CLDN10: variants seen among roughly 807,000 people sequenced by gnomAD.
CLDN10 encodes claudin 10, also known as claudin-10.
In CLDN10, 15 loss-of-function variants were observed where a neutral mutation model predicts 22.9. That is an observed-to-expected ratio of 0.65 (90% CI 0.44 to 1.01). CLDN10 has a LOEUF of 1.01. Ranked by LOEUF, CLDN10 falls within the 50% of genes least tolerant of loss-of-function variation. The pLI is 0.00. For synonymous variants in CLDN10, 114 were observed against 111.4 expected, an observed-to-expected ratio of 1.02 and a Z score of -0.15; for missense variants, 247 against 287.8, an observed-to-expected ratio of 0.86 and a Z score of 1.03.
intron 1 of CLDN10, among the ~76,000 whole-genome samples, chr13:95,488,021 T>C (rs1038063354): frequency 7.3e-5 from 11 of 151,584 alleles, no homozygotes; most frequent in African/African-American, 2.7e-4. Context: ...AGTCTCGCTC[T>C]GTCACCCAGG....
At chr13:95,499,357 C>T (rs2042960435) in intron 1 of CLDN10, among the ~76,000 whole-genome samples, 1 of 152,148 alleles carries the variant, frequency 6.6e-6, no homozygotes, top group Non-Finnish European at 1.5e-5. Flanking sequence ...CCCTAGCCAA[C>T]ATGGTGAAAC....
intron 1 of CLDN10, among the ~76,000 whole-genome samples, chr13:95,509,445 C>T (rs2043072837): frequency 6.6e-6 from 1 of 152,122 alleles, no homozygotes; most frequent in Admixed American, 6.6e-5. Flanking sequence ...ATAATGAGAT[C>T]ACCCCTGAAA....
chr13:95,453,680 C>T (rs1372924893), intron 1 of CLDN10, among the ~76,000 whole-genome samples: 1 of 145,334 alleles, frequency 6.9e-6, no homozygotes, highest in Non-Finnish European at 1.5e-5. Context: ...TGAGATCCAT[C>T]TCAAAAAGAA....
At chr13:95,563,512 G>T (rs1471590424) in intron 3 of CLDN10, among the ~76,000 whole-genome samples, 1 of 152,058 alleles carries the variant, frequency 6.6e-6, no homozygotes, top group Non-Finnish European at 1.5e-5. Context: ...TTGCATCAAG[G>T]TCTATAGAAA....
chr13:95,562,579 A>G lies in CLDN10; in HGVS notation c.464+2116A>G, dbSNP rs145902959. 3.5e-4 allele frequency among the ~76,000 whole-genome samples: 54 copies of G among 152,346 alleles called. No individual in the cohort carries two copies. The East Asian group carries it at 8.9e-3, about 25-fold the overall frequency. On this transcript the variant is annotated intron_variant, in intron 3 of 4. Coordinates refer to ENST00000299339, the MANE Select transcript of CLDN10 (RefSeq NM_006984.5). ...TGTACATGGCAGGAAACATTGAAAT[A>G]AAAACCAAGGCTGTATTTCTGAAGC...
At position 95,577,986 on chromosome 13, in the gene CLDN10, A is replaced by G; in HGVS notation, c.659A>G (p.Lys220Arg). The G allele has an allele frequency of 1.1e-5, 17 of 1,612,684 alleles. No individual in the cohort carries two copies. Among genetic ancestry groups the G allele is most frequent in the Non-Finnish European group, 1.4e-5 (17 of 1,178,850 alleles). ...GEDFKTTNPS[K>R]QFDKNAYV ...GATTTTAAAACAACAAACCCTTCAAAACAGTTTGATAAAAATGCTTATGTC... is the reference window on the plus strand; with the variant it reads ...GATTTTAAAACAACAAACCCTTCAAGACAGTTTGATAAAAATGCTTATGTC... The change falls in exon 5 of 5, where the codon AAA (lysine) becomes AGA (arginine). Residue 220 changes from lysine to arginine, a missense_variant. Lys to Arg is a conservative substitution (Grantham distance 26). Coordinates refer to ENST00000299339, the MANE Select transcript of CLDN10 (RefSeq NM_006984.5).
At chr13:95,474,993 A>G (rs1387152518) in intron 1 of CLDN10, among the ~76,000 whole-genome samples, 2 of 152,038 alleles carry the variant, frequency 1.3e-5, no homozygotes, top group Non-Finnish European at 2.9e-5. Context: ...GGTGGAGAGG[A>G]GGGTTCAAAA....
intron 1 of CLDN10, among the ~76,000 whole-genome samples, chr13:95,553,552 A>C (rs2043595100): frequency 6.6e-6 from 1 of 152,184 alleles, no homozygotes; most frequent in African/African-American, 2.4e-5. Context: ...CCCTTTAAAG[A>C]GCTTCTACAA....
intron 1 of CLDN10, among the ~76,000 whole-genome samples, chr13:95,437,756 C>T (rs895521772): frequency 2.0e-5 from 3 of 152,176 alleles, no homozygotes; most frequent in African/African-American, 7.2e-5. Flanking sequence ...TGAGCGCAGG[C>T]AACCCAAAGG....
chr13:95,513,433 G>A (rs1030709700), intron 1 of CLDN10, among the ~76,000 whole-genome samples: 1 of 152,020 alleles, frequency 6.6e-6, no homozygotes, highest in Non-Finnish European at 1.5e-5. Flanking sequence ...CTCACTAGAG[G>A]GGTTTAAACT....
chr13:95,505,455 T>G (rs753114697), intron 1 of CLDN10, among the ~76,000 whole-genome samples: 2 of 152,258 alleles, frequency 1.3e-5, no homozygotes, highest in Non-Finnish European at 2.9e-5. Flanking sequence ...TGCACAGCTC[T>G]GAGCTCTCAT....
intron 1 of CLDN10, among the ~76,000 whole-genome samples, chr13:95,527,299 T>C (rs775926618): frequency 2.6e-5 from 4 of 152,216 alleles, no homozygotes; most frequent in Admixed American, 6.5e-5. Flanking sequence ...TTCTTGATGG[T>C]TTTCAACAAT....
upstream of CLDN10, among the ~76,000 whole-genome samples, chr13:95,551,064 A>G (rs1179974443): frequency 6.6e-6 from 1 of 152,038 alleles, no homozygotes; most frequent in Non-Finnish European, 1.5e-5. Context: ...AGAGCAGAAC[A>G]GTAGGGTAAC....
chr13:95,510,130 T>C (rs1029527165), intron 1 of CLDN10, among the ~76,000 whole-genome samples: 2 of 152,332 alleles, frequency 1.3e-5, no homozygotes, highest in African/African-American at 4.8e-5. Context: ...GAGACTGAGA[T>C]GAGTCACATT....
At chr13:95,526,833 A>C (rs2043286916) in intron 1 of CLDN10, among the ~76,000 whole-genome samples, 1 of 143,290 alleles carries the variant, frequency 7.0e-6, no homozygotes, top group African/African-American at 2.5e-5. Context: ...CATGGCGAGA[A>C]GGAAAGGAGA....
At chr13:95,461,543 C>T (rs899074828) in intron 1 of CLDN10, among the ~76,000 whole-genome samples, 40 of 152,274 alleles carry the variant, frequency 2.6e-4, no homozygotes, top group African/African-American at 9.6e-4. Context: ...TGGTCTTTCC[C>T]CTGTCCTATA....
intron 1 of CLDN10, among the ~76,000 whole-genome samples, chr13:95,484,079 C>T (rs2042778153): frequency 6.6e-6 from 1 of 152,184 alleles, no homozygotes; most frequent in East Asian, 1.9e-4. Context: ...CTTTGGCCTT[C>T]CCAGCCTCTA....
Position 95,577,317 on chromosome 13 carries a change from C to G in CLDN10, c.551C>G (p.Ser184Cys). Residue 184 changes from serine (S) to cysteine (C), a missense_variant, in exon 4 of 5, where the codon TCT becomes TGT. By Grantham distance (112) the Ser-to-Cys change is moderately radical. Coordinates refer to ENST00000299339, the MANE Select transcript of CLDN10 (RefSeq NM_006984.5). Reference sequence around the variant, plus strand: ...GGTGTCATATTTTGCTTTTCAATATCTGACAACAACAAAACACCCAGGTAT... The same window carrying G: ...GGTGTCATATTTTGCTTTTCAATATGTGACAACAACAAAACACCCAGGTAT... ...IGGVIFCFSI[S>C]DNNKTPRYTY... The G allele has an allele frequency of 6.2e-7, 1 of 1,612,478 alleles. No individual in the cohort carries two copies. The highest frequency in any genetic ancestry group is 8.5e-7 in the Non-Finnish European group (1 of 1,178,578).
chr13:95,522,339 TA>T (rs1169017104), intron 1 of CLDN10, among the ~76,000 whole-genome samples: 2 of 152,086 alleles, frequency 1.3e-5, no homozygotes, highest in Non-Finnish European at 2.9e-5. Context: ...TCATTCAGTA[TA>T]AAATTTATTC....
Sources: allele counts gnomAD v4.1 joint callset (sites outside exome capture counted in the v4.1 genomes callset), GRCh38; gene constraint gnomAD v4.1.1; transcripts MANE v1.5; gene names NCBI Gene and HGNC (gene_info 2026-07-23, HGNC 2026-07-21).